Variants in SLC35F4 observed in about 807,000 individuals in gnomAD.
SLC35F4 encodes the protein solute carrier family 35 member F4, also known as chromosome 14 open reading frame 36.
In SLC35F4, 24 loss-of-function variants were observed where a neutral mutation model predicts 44.2. That is an observed-to-expected ratio of 0.54 (90% CI 0.39 to 0.76). The LOEUF (loss-of-function observed/expected upper bound fraction) is 0.76, where lower values mean the gene tolerates loss of function less well. Among genes scored for constraint, SLC35F4 ranks in the 30% least tolerant of loss-of-function variants. The pLI is 0.00. For synonymous variants in SLC35F4, 238 were observed against 223.6 expected, an observed-to-expected ratio of 1.06 and a Z score of -0.57; for missense variants, 562 against 586.1, an observed-to-expected ratio of 0.96 and a Z score of 0.42.
chr14:57,902,851 C>T (rs529412584), intron 1 of SLC35F4, among the ~76,000 whole-genome samples: 1 of 152,280 alleles, frequency 6.6e-6, no homozygotes, highest in South Asian at 2.1e-4. Flanking sequence ...CTCCCTGATA[C>T]CTGCATCACT....
intron 1 of SLC35F4, among the ~76,000 whole-genome samples, chr14:57,647,087 A>G (rs1012920149): frequency 1.3e-5 from 2 of 152,186 alleles, no homozygotes; most frequent in Non-Finnish European, 2.9e-5. Context: ...GCTGAAAAGA[A>G]TGCATATTCT....
chr14:57,907,901 G>A (rs1241319932), intron 1 of SLC35F4, among the ~76,000 whole-genome samples: 1 of 151,904 alleles, frequency 6.6e-6, no homozygotes, highest in Non-Finnish European at 1.5e-5. Flanking sequence ...TGCCATGGTG[G>A]TTTGCTGCAC....
At chr14:57,845,870 C>G (rs572917761) in intron 1 of SLC35F4, among the ~76,000 whole-genome samples, 1 of 152,302 alleles carries the variant, frequency 6.6e-6, no homozygotes, top group East Asian at 1.9e-4. Context: ...ATATCCCCTT[C>G]TCTTCTCACT....
At chr14:57,942,957 T>A (rs1247742647) in intron 1 of SLC35F4, among the ~76,000 whole-genome samples, 1 of 152,224 alleles carries the variant, frequency 6.6e-6, no homozygotes, top group Non-Finnish European at 1.5e-5. Context: ...CAAGGTCACA[T>A]ACTTAGTAAA....
At chr14:57,702,350 A>G (rs74938263) in intron 1 of SLC35F4, among the ~76,000 whole-genome samples, 10 of 150,402 alleles carry the variant, frequency 6.6e-5, no homozygotes, top group Non-Finnish European at 1.3e-4. Context: ...AAAAAAAAAA[A>G]GGAAAACAGG....
At chr14:57,647,015 A>G (rs935633637) in intron 1 of SLC35F4, among the ~76,000 whole-genome samples, 2 of 152,046 alleles carry the variant, frequency 1.3e-5, no homozygotes. Context: ...CTTCTTTTAC[A>G]TTTGCTGAGG....
chr14:57,889,314 C>T (rs973073371), intron 1 of SLC35F4, among the ~76,000 whole-genome samples: 1 of 152,192 alleles, frequency 6.6e-6, no homozygotes, highest in Non-Finnish European at 1.5e-5. Context: ...AGCAAAGTGA[C>T]GGGGAAGCAC....
intron 1 of SLC35F4, among the ~76,000 whole-genome samples, chr14:57,749,278 C>G (rs1015693702): frequency 6.6e-6 from 1 of 152,072 alleles, no homozygotes; most frequent in African/African-American, 2.4e-5. Flanking sequence ...TAGGACAGGA[C>G]AGTGCCACCC....
intron 4 of SLC35F4, among the ~76,000 whole-genome samples, chr14:57,573,034 A>T: frequency 6.6e-6 from 1 of 152,226 alleles, no homozygotes; most frequent in East Asian, 1.9e-4. Flanking sequence ...CAAGTAAAGA[A>T]ATTCTTCAGT....
At chr14:57,813,166 C>T (rs1348826386) in intron 1 of SLC35F4, among the ~76,000 whole-genome samples, 1 of 152,210 alleles carries the variant, frequency 6.6e-6, no homozygotes, top group Non-Finnish European at 1.5e-5. Context: ...TCACTTCCCA[C>T]CAATTATGCA....
chr14:57,851,669 G>C (rs986520996), intron 1 of SLC35F4, among the ~76,000 whole-genome samples: 1 of 152,170 alleles, frequency 6.6e-6, no homozygotes, highest in African/African-American at 2.4e-5. Context: ...GCCTACCTGA[G>C]AGACATGACA....
chr14:57,595,833 T>C (rs1006905376), intron 1 of SLC35F4: 5 of 152,206 alleles, frequency 3.3e-5, no homozygotes, highest in African/African-American at 1.2e-4. Flanking sequence ...GCCCCACTCC[T>C]GAAATTAATC....
intron 1 of SLC35F4, among the ~76,000 whole-genome samples, chr14:57,913,662 C>A (rs1311817701): frequency 6.6e-6 from 1 of 152,096 alleles, no homozygotes; most frequent in Non-Finnish European, 1.5e-5. Flanking sequence ...CATATACACA[C>A]ATAAGCATAC....
chr14:57,769,664 A>G (rs925109243), intron 1 of SLC35F4, among the ~76,000 whole-genome samples: 1 of 152,216 alleles, frequency 6.6e-6, no homozygotes, highest in African/African-American at 2.4e-5. Context: ...AGAAAAACTT[A>G]GTCAGTGCTA....
At chr14:57,950,810 A>G (rs1031780477) in intron 1 of SLC35F4, among the ~76,000 whole-genome samples, 5 of 152,066 alleles carry the variant, frequency 3.3e-5, no homozygotes, top group South Asian at 4.2e-4. Flanking sequence ...CTGGGACTAC[A>G]GGTGCCTGCC....
At chr14:57,564,811 C>T (rs745623305) in intron 7 of SLC35F4, among the ~76,000 whole-genome samples, 38 of 151,770 alleles carry the variant, frequency 2.5e-4, no homozygotes, top group Non-Finnish European at 5.3e-4. Flanking sequence ...AGTATATTCA[C>T]AATATTATGC....
chr14:57,697,750 A>G (rs1221372307), intron 1 of SLC35F4, among the ~76,000 whole-genome samples: 1 of 151,968 alleles, frequency 6.6e-6, no homozygotes, highest in African/African-American at 2.4e-5. Flanking sequence ...TATTTGTTAA[A>G]TTCCATTGCC....
chr14:57,649,874 C>T (rs908680845), intron 1 of SLC35F4, among the ~76,000 whole-genome samples: 3 of 152,156 alleles, frequency 2.0e-5, no homozygotes, highest in Admixed American at 2.0e-4. Flanking sequence ...TTTTCTGGGG[C>T]AGGTGGGTGA....
chr14:57,688,543 G>A (rs1423838198), intron 1 of SLC35F4, among the ~76,000 whole-genome samples: 1 of 152,198 alleles, frequency 6.6e-6, no homozygotes, highest in African/African-American at 2.4e-5. Context: ...TATGTTTATA[G>A]TTTCTGTTGG....
Sources: allele counts gnomAD v4.1 joint callset (sites outside exome capture counted in the v4.1 genomes callset), GRCh38; gene constraint gnomAD v4.1.1; transcripts MANE v1.5; gene names NCBI Gene and HGNC (gene_info 2026-07-23, HGNC 2026-07-21).